The following ATP9A variants were observed in gnomAD, a reference collection of about 807,000 sequenced individuals.
The protein encoded by ATP9A is probable phospholipid-transporting ATPase IIA.
In ATP9A, 52 loss-of-function variants were observed where a neutral mutation model predicts 144.1. That is an observed-to-expected ratio of 0.36 (90% CI 0.29 to 0.45). ATP9A has a LOEUF of 0.45. ATP9A is among the 20% of genes least tolerant of loss of function. The pLI, the probability that ATP9A is intolerant of heterozygous loss-of-function variation, is 1.00. For synonymous variants in ATP9A, 582 were observed against 557.4 expected (o/e 1.04, Z -0.62); for missense variants, 947 against 1,392.7 (o/e 0.68, Z 5.09).
intron 1 of ATP9A, among the ~76,000 whole-genome samples, chr20:51,742,324 CA>C (rs74175576): frequency 0.045 from 5,369 of 118,048 alleles, 95 homozygotes; most frequent in African/African-American, 0.055. Flanking sequence ...AACACTGTCT[CA>C]AAAAAAAAAA....
At chr20:51,683,676 A>G (rs770039502) in intron 9 of ATP9A, among the ~76,000 whole-genome samples, 5 of 152,088 alleles carry the variant, frequency 3.3e-5, no homozygotes, top group African/African-American at 7.2e-5. Flanking sequence ...TTGGTCTCCC[A>G]AAGTGCTAGG....
At chr20:51,669,890 A>G in intron 13 of ATP9A, 107 bp downstream of exon 13, 1 of 778,816 alleles carries the variant, frequency 1.3e-6, no homozygotes, top group Non-Finnish European at 2.2e-6. Flanking sequence ...AATGAATTGT[A>G]CTCTTGAAAT....
intron 4 of ATP9A, among the ~76,000 whole-genome samples, chr20:51,702,404 G>C (rs528166687): frequency 2.0e-5 from 3 of 147,044 alleles, no homozygotes; most frequent in African/African-American, 7.6e-5. Context: ...GTGTGTGTGT[G>C]CATGTAATGA....
intron 6 of ATP9A, 97 bp from the exon 7 acceptor site, chr20:51,694,199 A>G (rs1383209899): frequency 6.0e-6 from 5 of 830,114 alleles, no homozygotes; most frequent in Non-Finnish European, 9.8e-6. Flanking sequence ...AAAACAGCCA[A>G]CCAATGGCCA....
intron 15 of ATP9A, among the ~76,000 whole-genome samples, chr20:51,631,793 C>T (rs2077271065): frequency 6.6e-6 from 1 of 152,200 alleles, no homozygotes; most frequent in Non-Finnish European, 1.5e-5. Flanking sequence ...GGGGAGAAGG[C>T]ACTGGAACAT....
chr20:51,739,203 T>C (rs1349144864), intron 1 of ATP9A, among the ~76,000 whole-genome samples: 2 of 152,122 alleles, frequency 1.3e-5, no homozygotes, highest in Non-Finnish European at 1.5e-5. Context: ...GCCAACTTTC[T>C]TGCCATCCAA....
intron 13 of ATP9A, among the ~76,000 whole-genome samples, chr20:51,668,201 G>A (rs192120748): frequency 2.0e-5 from 3 of 148,162 alleles, no homozygotes; most frequent in African/African-American, 4.9e-5. Flanking sequence ...AGGCCGAAGG[G>A]GTGATCTAGT....
intron 14 of ATP9A, among the ~76,000 whole-genome samples, chr20:51,653,955 T>C (rs189772438): frequency 2.1e-3 from 319 of 152,256 alleles, no homozygotes; most frequent in Non-Finnish European, 3.3e-3. Flanking sequence ...GACATCGCTA[T>C]TCCACAGTAT....
At chr20:51,627,530 G>C in intron 17 of ATP9A, 70 bp downstream of exon 17, 1 of 1,367,958 alleles carries the variant, frequency 7.3e-7, no homozygotes, top group South Asian at 1.2e-5. Flanking sequence ...TAGGATGAGG[G>C]ATGGTGGAAG....
chr20:51,753,990 T>TA (rs1157206898), intron 1 of ATP9A, among the ~76,000 whole-genome samples: 1 of 152,032 alleles, frequency 6.6e-6, no homozygotes, highest in Non-Finnish European at 1.5e-5. Flanking sequence ...CATTTTTTTT[T>TA]ACATAGATAT....
chr20:51,669,097 G>A (rs906369928), intron 13 of ATP9A, among the ~76,000 whole-genome samples: 2 of 152,096 alleles, frequency 1.3e-5, no homozygotes, highest in African/African-American at 4.8e-5. Context: ...CTGGTCTAAC[G>A]CGGTCTGGCT....
At chr20:51,681,092 C>T (rs974606423) in intron 9 of ATP9A, among the ~76,000 whole-genome samples, 1 of 152,242 alleles carries the variant, frequency 6.6e-6, no homozygotes, top group South Asian at 2.1e-4. Context: ...CTCTCCTCCT[C>T]CCAGGAGATG....
At chr20:51,658,894 G>GT (rs1568807189) in intron 13 of ATP9A, among the ~76,000 whole-genome samples, 4 of 112,400 alleles carry the variant, frequency 3.6e-5, no homozygotes, top group African/African-American at 1.4e-4. Flanking sequence ...CTGGCGGGGG[G>GT]GGGGGGGGGA....
rs4603834 is a variant in ATP9A, at chr20:51,637,539, G to A, written c.1668+1804C>T. Among the ~76,000 whole-genome samples the A allele has an allele frequency of 8.5e-4, 129 of 152,182 alleles. 2 individuals are homozygous for A. In the East Asian group the frequency reaches 0.023, roughly 27 times the overall value. Reference sequence around the variant, plus strand: ...GTGATGAATGCTACGGAAGAAGAACGAGATGCTGTAAGAGGTGGTCTGAAT... The same window carrying A: ...GTGATGAATGCTACGGAAGAAGAACAAGATGCTGTAAGAGGTGGTCTGAAT... On this transcript the variant is annotated intron_variant, in intron 15 of 27. Transcript: ENST00000338821.
intron 1 of ATP9A, among the ~76,000 whole-genome samples, chr20:51,746,191 G>A (rs559422120): frequency 1.3e-5 from 2 of 152,304 alleles, no homozygotes; most frequent in South Asian, 2.1e-4. Context: ...GTAGAGGGTG[G>A]GAGGAGGGAG....
chr20:51,702,231 C>T lies in ATP9A; in HGVS notation c.437-4749G>A, dbSNP rs1400735208. Among the ~76,000 whole-genome samples, 5 of 147,618 alleles carry T rather than the reference C, an allele frequency of 3.4e-5. No individual in the cohort carries two copies. In the East Asian group the frequency reaches 6.0e-4, roughly 18 times the overall value. On this transcript the variant is annotated intron_variant, in intron 4 of 27. Transcript: ENST00000338821. ...GGAGAATCGCTTGAACCTGCAAAGG[C>T]GGAGGCTGCAGTGAGCCAAGACCGT... is the stretch of plus-strand genomic sequence containing the variant.
intron 22 of ATP9A, among the ~76,000 whole-genome samples, chr20:51,616,306 T>C (rs1568786525): frequency 6.6e-6 from 1 of 151,970 alleles, no homozygotes; most frequent in Non-Finnish European, 1.5e-5. Context: ...GGCACTCCTA[T>C]ACTTCAAACA....
intron 26 of ATP9A, among the ~76,000 whole-genome samples, chr20:51,606,266 A>G (rs1345391104): frequency 6.6e-6 from 1 of 152,236 alleles, no homozygotes; most frequent in African/African-American, 2.4e-5. Context: ...CAGAATAGTA[A>G]TAATAATAAT....
rs979918140 is a variant in ATP9A at position 51,627,783 on chromosome 20, C to G, written c.1762-100G>C. The G allele has an allele frequency of 3.1e-6, 3 of 961,044 alleles. No individual in the cohort carries two copies. In the Admixed American group the frequency reaches 6.0e-5, roughly 19 times the overall value. 59.5% of individuals were successfully genotyped at this position (961,044 alleles called of 1,614,324 possible). A position where few individuals can be genotyped will look rare whatever the true frequency, so the allele number is the denominator to read the frequency against. On this transcript the variant is annotated intron_variant, in intron 16 of 27. Transcript: ENST00000338821. The stretch of plus-strand genomic sequence containing the variant: ...AGTGGATGTGCCCCTCCCACAGGGT[C>G]AGAGAAAATGGCAAATCAGAAAGTT...
Sources: gnomAD v4.1 joint callset for allele counts (sites outside exome capture counted in the v4.1 genomes callset) on GRCh38, gnomAD v4.1.1 for gene constraint, MANE v1.5 for transcripts, NCBI Gene and HGNC (gene_info 2026-07-23, HGNC 2026-07-21) for gene names.